Variants in FRMPD2 observed in about 807,000 individuals in gnomAD.
FRMPD2 encodes FERM and PDZ domain-containing protein 2.
Under a neutral mutation model 140.1 loss-of-function variants are expected in FRMPD2, and 96 were observed. The ratio of observed to expected loss-of-function variants is 0.69; its 90% CI spans 0.58 to 0.81. The LOEUF (loss-of-function observed/expected upper bound fraction) is 0.81, where lower values mean the gene tolerates loss of function less well. Ranked by LOEUF, FRMPD2 falls within the 40% of genes least tolerant of loss-of-function variation. The probability of loss-of-function intolerance (pLI) is 0.00; values close to 1 mark genes in which losing one functional copy is unlikely to be tolerated. For synonymous variants in FRMPD2, 449 were observed against 547.6 expected (o/e 0.82, Z 2.52); for missense variants, 1,240 against 1,447.4 (o/e 0.86, Z 2.32).
chr10:48,200,156 A>G (rs528386036), intron 15 of FRMPD2, among the ~76,000 whole-genome samples: 4 of 68,680 alleles, frequency 5.8e-5, no homozygotes, highest in African/African-American at 3.3e-4. Flanking sequence ...AAAAATATAA[A>G]TAAATAAATA....
intron 4 of FRMPD2, among the ~76,000 whole-genome samples, chr10:48,243,390 T>C (rs1840172183): frequency 1.3e-5 from 2 of 152,208 alleles, no homozygotes; most frequent in African/African-American, 4.8e-5. Flanking sequence ...AAGATGCAGA[T>C]GAGCTGACAT....
intron 1 of FRMPD2, among the ~76,000 whole-genome samples, chr10:48,267,267 G>A (rs113454850): frequency 5.3e-5 from 8 of 152,228 alleles, no homozygotes; most frequent in African/African-American, 1.7e-4. Flanking sequence ...CAGGATTTTC[G>A]TGAGCAATGA....
rs1159197101 is a variant in FRMPD2, at chr10:48,242,195, C to T, written c.533G>A (p.Arg178Lys). 6.2e-7 allele frequency: 1 copy of T among 1,614,024 alleles called. No individual in the cohort carries two copies. The highest frequency in any genetic ancestry group is 1.3e-5 in the African/African-American group (1 of 75,074). The change falls in exon 5 of 29, where the codon AGG becomes AAG. Residue 178 changes from arginine to lysine, a missense_variant. By Grantham distance (26) the Arg-to-Lys change is conservative (BLOSUM62 2). Coordinates refer to ENST00000374201, the MANE Select transcript of FRMPD2 (RefSeq NM_001018071.4). ...YPAPAGLHIR[R>K]LVGLVLGTIS... The stretch of plus-strand genomic sequence containing the variant: ...GGTACCCAGAACCAAGCCAACCAGC[C>T]TTCTGATGTGGAGACCAGCAGGGGC...
intron 20 of FRMPD2, among the ~76,000 whole-genome samples, chr10:48,184,364 C>A (rs952019003): frequency 6.6e-6 from 1 of 152,130 alleles, no homozygotes; most frequent in Non-Finnish European, 1.5e-5. Context: ...TTCAGCAAGA[C>A]AAGCATGGTA....
chr10:48,157,238 C>CCA lies in FRMPD2; in HGVS notation c.*82_*83dup, dbSNP rs1175122602. On this transcript the variant is annotated 3_prime_UTR_variant, in exon 29 of 29. Coordinates refer to ENST00000374201, the MANE Select transcript of FRMPD2 (RefSeq NM_001018071.4). The stretch of plus-strand genomic sequence containing the variant: ...ACTTCCAGGGGCTGCCCCAAGTTCG[C>CCA]CACACACGCCTCTTGATTAGAAAGA... 4.9e-5 allele frequency: 33 copies of CCA among 667,030 alleles called. 1 individual carries two copies. The highest frequency in any genetic ancestry group is 7.5e-5 in the Non-Finnish European group (27 of 361,312). The allele number at this position is 667,030 out of a possible 1,614,324, so 41.3% of individuals were successfully genotyped here.
intron 10 of FRMPD2, among the ~76,000 whole-genome samples, chr10:48,225,741 C>T (rs1037853580): frequency 1.3e-5 from 2 of 152,200 alleles, no homozygotes; most frequent in Admixed American, 6.5e-5. Context: ...AAATGACAAG[C>T]CTTTTCCCAT....
chr10:48,268,965 T>C (rs1016860719), intron 1 of FRMPD2, among the ~76,000 whole-genome samples: 1 of 152,098 alleles, frequency 6.6e-6, no homozygotes, highest in Non-Finnish European at 1.5e-5. Flanking sequence ...TGACCATATA[T>C]GAAAATTAAA....
intron 2 of FRMPD2, among the ~76,000 whole-genome samples, chr10:48,249,790 G>A (rs559400321): frequency 2.3e-4 from 35 of 152,250 alleles, no homozygotes; most frequent in African/African-American, 7.2e-4. Context: ...CTTGGATACC[G>A]CTACCTTAGG....
At chr10:48,172,433 A>G (rs1838285825) in intron 25 of FRMPD2, among the ~76,000 whole-genome samples, 1 of 152,128 alleles carries the variant, frequency 6.6e-6, no homozygotes, top group African/African-American at 2.4e-5. Context: ...CAAAATCACA[A>G]GGGAATTGCA....
At chr10:48,225,757 C>T (rs1029694840) in intron 10 of FRMPD2, among the ~76,000 whole-genome samples, 6 of 152,288 alleles carry the variant, frequency 3.9e-5, no homozygotes, top group Middle Eastern at 3.4e-3. Context: ...CCCATACCAG[C>T]GACCGCAGAA....
chr10:48,260,140 G>T (rs1840557107), intron 1 of FRMPD2, among the ~76,000 whole-genome samples: 1 of 151,804 alleles, frequency 6.6e-6, no homozygotes, highest in Non-Finnish European at 1.5e-5. Context: ...GGTAATAATG[G>T]CTAAGAATAG....
At chr10:48,159,118 A>G (rs1245209294) in intron 28 of FRMPD2, 2 of 455,926 alleles carry the variant, frequency 4.4e-6, no homozygotes, top group East Asian at 1.4e-4. Context: ...TCATGTCTCC[A>G]GTTCTCCAAC....
chr10:48,244,088 G>A (rs1377853659), intron 4 of FRMPD2, among the ~76,000 whole-genome samples: 5 of 152,300 alleles, frequency 3.3e-5, no homozygotes, highest in South Asian at 2.1e-4. Flanking sequence ...GGGTTTAAGC[G>A]ATTCTCATGC....
At position 48,249,090 on chromosome 10, in the gene FRMPD2, C is replaced by T; in HGVS notation, c.240G>A (p.Glu80=). The part of the protein sequence containing the change: ...LSFQGRVSHI[E]AAPFKAPELL... ...GTTCAGGGGCCTTGAAAGGAGCAGC[C>T]TCTATATGAGAAACACGGCCTTGGA... Residue 80 remains glutamate, a synonymous_variant, in exon 3 of 29, where the codon GAG becomes GAA. Coordinates refer to ENST00000374201, the MANE Select transcript of FRMPD2 (RefSeq NM_001018071.4). The T allele has an allele frequency of 6.2e-7, 1 of 1,614,010 alleles. No homozygotes were observed. Among genetic ancestry groups the T allele is most frequent in the Non-Finnish European group, 8.5e-7 (1 of 1,180,006 alleles).
intron 9 of FRMPD2, among the ~76,000 whole-genome samples, chr10:48,233,376 C>T (rs1220639063): frequency 1.3e-5 from 2 of 152,204 alleles, no homozygotes; most frequent in Non-Finnish European, 1.5e-5. Context: ...GAGGAGACCA[C>T]TCCCAAGATG....
chr10:48,210,290 A>G (rs141369520), intron 13 of FRMPD2, among the ~76,000 whole-genome samples: 2 of 152,336 alleles, frequency 1.3e-5, no homozygotes, highest in Non-Finnish European at 2.9e-5. Context: ...CAAAAGCAAG[A>G]GTGCTCCTTG....
At chr10:48,271,993 A>G (rs1459234196) in intron 1 of FRMPD2, among the ~76,000 whole-genome samples, 3 of 152,208 alleles carry the variant, frequency 2.0e-5, no homozygotes, top group Admixed American at 2.0e-4. Flanking sequence ...TAGGCTAGAG[A>G]CAAGCCAGCA....
intron 1 of FRMPD2, among the ~76,000 whole-genome samples, chr10:48,267,464 C>G (rs867569722): frequency 5.3e-5 from 8 of 152,094 alleles, no homozygotes; most frequent in Admixed American, 1.3e-4. Flanking sequence ...ATGACCCAAT[C>G]GGACAACAGA....
At position 48,261,778 on chromosome 10, in the gene FRMPD2, G is replaced by C. The variant is rs182210915; in HGVS notation, c.26-10087C>G. Among the ~76,000 whole-genome samples, 176 of 152,132 alleles carry C rather than the reference G, an allele frequency of 1.2e-3. 1 individual carries two copies. Among genetic ancestry groups the C allele is most frequent in the Admixed American group, 8.9e-3 (136 of 15,278 alleles). ...AAATTATAATAGCAACAACATCTTG[G>C]GTGATTATGCCTTATAAATAAGTAA... On this transcript the variant is annotated intron_variant, in intron 1 of 28. Coordinates refer to ENST00000374201, the MANE Select transcript of FRMPD2 (RefSeq NM_001018071.4).
Sources: allele counts gnomAD v4.1 joint callset (sites outside exome capture counted in the v4.1 genomes callset), GRCh38; gene constraint gnomAD v4.1.1; transcripts MANE v1.5; gene names NCBI Gene and HGNC (gene_info 2026-07-23, HGNC 2026-07-21).